Variants in LPCAT2 observed in about 807,000 individuals in gnomAD.
LPCAT2 encodes lysophosphatidylcholine acyltransferase 2.
A neutral mutation model predicts 64.7 loss-of-function variants in LPCAT2; 58 were observed. That is an observed-to-expected ratio of 0.90 (90% confidence interval 0.73 to 1.12). The LOEUF (loss-of-function observed/expected upper bound fraction) is 1.12, where lower values mean the gene tolerates loss of function less well. Among genes scored for constraint, LPCAT2 ranks in the 50% most tolerant of loss-of-function variants. The pLI is 0.00. For missense variants in LPCAT2, 579 were observed against 669.8 expected (o/e 0.86, Z 1.50); for synonymous variants, 252 against 245.3 (o/e 1.03, Z -0.26).
chr16:55,515,380 T>C (rs1215451016), intron 1 of LPCAT2, among the ~76,000 whole-genome samples: 1 of 152,064 alleles, frequency 6.6e-6, no homozygotes, highest in African/African-American at 2.4e-5. Flanking sequence ...AAGAATTGTA[T>C]AGCTAGAAAA....
At chr16:55,572,624 A>ACTGACT (rs1567406552) in intron 11 of LPCAT2, among the ~76,000 whole-genome samples, 1 of 151,860 alleles carries the variant, frequency 6.6e-6, no homozygotes, top group Non-Finnish European at 1.5e-5. Context: ...AAATGTAGAT[A>ACTGACT]TTGGCGCTGG....
In LPCAT2 at chr16:55,585,774, C is replaced by T. The variant is rs1963938120; in HGVS notation, c.*2676C>T. ...AGCTCTAATGCATATTTAAAGGAGACTGCCTCGCTTTTAGAAGACATCTGG... is the reference window on the plus strand; with the variant it reads ...AGCTCTAATGCATATTTAAAGGAGATTGCCTCGCTTTTAGAAGACATCTGG... On this transcript the variant is annotated 3_prime_UTR_variant, in exon 14 of 14. Transcript: ENST00000262134. 1 of 152,178 alleles carries T rather than the reference C, an allele frequency of 6.6e-6. No individual in the cohort carries two copies. Among genetic ancestry groups the T allele is most frequent in the African/African-American group, 2.4e-5 (1 of 41,458 alleles). 9.4% of individuals were successfully genotyped at this position (152,178 alleles called of 1,614,324 possible).
chr16:55,580,485 A>G (rs1963876262), intron 13 of LPCAT2, among the ~76,000 whole-genome samples: 1 of 152,174 alleles, frequency 6.6e-6, no homozygotes, highest in African/African-American at 2.4e-5. Context: ...TTTCAGGGAA[A>G]TCTGCTTTGT....
chr16:55,549,133 T>G, intron 9 of LPCAT2, 144 bp from the exon 10 acceptor site: 1 of 571,916 alleles, frequency 1.7e-6, no homozygotes, highest in Non-Finnish European at 2.9e-6. Context: ...TGTCTCTTTG[T>G]CAAGAAAAGC....
chr16:55,535,588 T>C lies in LPCAT2; in HGVS notation c.797+1111T>C, dbSNP rs145123656. ...TCTTTCACTTACCAGGAAATCAATT[T>C]ATTCATTTGACTAAAATACATGTTT... On this transcript the variant is annotated intron_variant, in intron 7 of 13. Transcript: ENST00000262134. 2.0e-3 allele frequency among the ~76,000 whole-genome samples: 302 copies of C among 152,328 alleles called. 3 individuals carry two copies. Among genetic ancestry groups the C allele is most frequent in the Admixed American group, 0.015 (229 of 15,288 alleles).
Position 55,583,291 on chromosome 16 carries a change from T to C in LPCAT2, c.*193T>C, listed in dbSNP as rs1963908114. 3 of 521,566 alleles carry C rather than the reference T, an allele frequency of 5.8e-6. No homozygotes were observed. The allele number at this position is 521,566 out of a possible 1,614,324, so 32.3% of individuals were successfully genotyped here. A position where few individuals can be genotyped will look rare whatever the true frequency, so the allele number is the denominator to read the frequency against. On this transcript the variant is annotated 3_prime_UTR_variant, in exon 14 of 14. Transcript: ENST00000262134. ...TTGGAAAAAATCAAGCAATATTTCG[T>C]TTTCTTTTGTGTTATATTGTACTTT...
chr16:55,541,739 A>T, intron 8 of LPCAT2: 1 of 575,778 alleles, frequency 1.7e-6, no homozygotes, highest in Non-Finnish European at 2.5e-6. Context: ...GGATAATGAC[A>T]GAAAATTTAT....
chr16:55,567,681 C>A (rs944107637), intron 11 of LPCAT2: 1 of 628,134 alleles, frequency 1.6e-6, no homozygotes. Flanking sequence ...AGATATTTCA[C>A]GAAAAATGTT....
Position 55,529,843 on chromosome 16 carries a change from C to T in LPCAT2, c.538C>T (p.Arg180Trp), listed in dbSNP as rs549291060. The change falls in exon 4 of 14, where the codon CGG (arginine) becomes TGG (tryptophan). Residue 180 changes from arginine to tryptophan, a missense_variant. Physicochemically the swap from Arg to Trp is moderately radical, Grantham distance 101. Coordinates refer to ENST00000262134, the MANE Select transcript of LPCAT2 (RefSeq NM_017839.5). ...AQVPLIGRLL[R>W]AVQPVLVSRV... is the part of the protein sequence containing the mutation. ...TTTCATTTGTTTTAAAGGACTGTTA[C>T]GGGCTGTGCAACCAGTTTTGGTGTC... The T allele has an allele frequency of 2.7e-5, 44 of 1,607,436 alleles. No homozygotes were observed. Among genetic ancestry groups the T allele is most frequent in the East Asian group, 2.2e-4 (10 of 44,798 alleles).
At chr16:55,541,763 G>T (rs528771453) in intron 8 of LPCAT2, 3 of 771,314 alleles carry the variant, frequency 3.9e-6, no homozygotes, top group African/African-American at 3.7e-5. Context: ...GTTTTGAGGA[G>T]TAATAAAGTT....
intron 13 of LPCAT2, among the ~76,000 whole-genome samples, chr16:55,581,870 T>G (rs1025382111): frequency 1.1e-4 from 16 of 152,168 alleles, no homozygotes; most frequent in African/African-American, 3.6e-4. Context: ...AAGTAAGCCT[T>G]CTGTAGCCCT....
At chr16:55,523,924 A>G (rs572139812) in intron 1 of LPCAT2, among the ~76,000 whole-genome samples, 2 of 151,982 alleles carry the variant, frequency 1.3e-5, no homozygotes, top group African/African-American at 4.8e-5. Flanking sequence ...TACCTTAATA[A>G]AGTTTTTTTT....
At chr16:55,556,366 A>G (rs1963574669) in intron 11 of LPCAT2, among the ~76,000 whole-genome samples, 1 of 152,222 alleles carries the variant, frequency 6.6e-6, no homozygotes, top group Non-Finnish European at 1.5e-5. Flanking sequence ...AACGAAGTTT[A>G]TAGCATATCT....
intron 7 of LPCAT2, among the ~76,000 whole-genome samples, chr16:55,535,740 T>C (rs118022402): frequency 0.032 from 4,842 of 152,296 alleles, 119 homozygotes; most frequent in Middle Eastern, 0.058. Context: ...ACTTCCACTT[T>C]CTGAGGTGTG....
intron 5 of LPCAT2, chr16:55,532,209 CTG>C: frequency 5.8e-5 from 24 of 416,734 alleles, no homozygotes; most frequent in East Asian, 1.1e-4. Flanking sequence ...GGATGTGTGG[CTG>C]TGTGTGTGTT....
chr16:55,537,517 A>C (rs1170166598), intron 7 of LPCAT2, 61 bp from the exon 8 acceptor site: 1 of 1,303,392 alleles, frequency 7.7e-7, no homozygotes, highest in African/African-American at 1.5e-5. Flanking sequence ...ATGATTGTTG[A>C]ATAATATAAG....
rs200629169 is a variant in LPCAT2 at position 55,579,256 on chromosome 16, A to G, written c.1450+12A>G. ...CTCAATTTCCTATGGTGAGTAGGCA[A>G]TCTGGCCTCCTGACTTAGTTTACAA... On this transcript the variant is annotated intron_variant, in intron 13 of 13. Coordinates refer to ENST00000262134, the MANE Select transcript of LPCAT2 (RefSeq NM_017839.5). 3 of 1,610,476 alleles carry G rather than the reference A, an allele frequency of 1.9e-6. No individual in the cohort carries two copies. The highest frequency in any genetic ancestry group is 1.7e-5 in the Admixed American group (1 of 59,398).
rs183646281 is a variant in LPCAT2, at chr16:55,565,614, A to G, written c.1216-9017A>G. On this transcript the variant is annotated intron_variant, in intron 11 of 13. Coordinates refer to ENST00000262134, the MANE Select transcript of LPCAT2 (RefSeq NM_017839.5). Reference sequence around the variant, plus strand: ...ATAAGCAAGTCACAAAAGAACAAATACTGTATGATTCCACTTATATAAGGC... The same window carrying G: ...ATAAGCAAGTCACAAAAGAACAAATGCTGTATGATTCCACTTATATAAGGC... Among the ~76,000 whole-genome samples the G allele has an allele frequency of 1.2e-3, 179 of 152,252 alleles. 1 individual carries two copies. Among genetic ancestry groups the G allele is most frequent in the African/African-American group, 3.9e-3 (163 of 41,566 alleles).
chr16:55,553,194 T>C (rs1462378026), intron 11 of LPCAT2, among the ~76,000 whole-genome samples: 1 of 152,036 alleles, frequency 6.6e-6, no homozygotes, highest in Non-Finnish European at 1.5e-5. Flanking sequence ...GCCGAGATCA[T>C]GCCATTGCAC....
Sources: allele counts gnomAD v4.1 joint callset (sites outside exome capture counted in the v4.1 genomes callset), GRCh38; gene constraint gnomAD v4.1.1; transcripts MANE v1.5; gene names NCBI Gene and HGNC (gene_info 2026-07-23, HGNC 2026-07-21).